MSRA: variants seen among roughly 807,000 people sequenced by gnomAD.
MSRA encodes the protein methionine sulfoxide reductase A.
In MSRA, 54 loss-of-function variants were observed where a neutral mutation model predicts 31.3. That is an observed-to-expected ratio of 1.73 (90% CI 1.39 to 2.17). The LOEUF is 2.17. Ranked by LOEUF, MSRA falls within the 30% of genes most tolerant of loss-of-function variation. The pLI is 0.00. For synonymous variants in MSRA, 169 were observed against 116.5 expected (o/e 1.45, Z -2.90); for missense variants, 507 against 300.9 (o/e 1.69, Z -5.07).
At chr8:10,300,800 G>T (rs1406622871) in intron 3 of MSRA, among the ~76,000 whole-genome samples, 3 of 151,990 alleles carry the variant, frequency 2.0e-5, no homozygotes, top group Non-Finnish European at 4.4e-5. Context: ...GACTATAAAA[G>T]AAAGAAGGAC....
chr8:10,072,431 G>T (rs945750788), intron 1 of MSRA, among the ~76,000 whole-genome samples: 1 of 151,928 alleles, frequency 6.6e-6, no homozygotes, highest in Non-Finnish European at 1.5e-5. Context: ...GTGTGGGTCT[G>T]TTTCTGGGTC....
chr8:10,394,585 C>A (rs947209208), intron 5 of MSRA, among the ~76,000 whole-genome samples: 1 of 152,226 alleles, frequency 6.6e-6, no homozygotes, highest in African/African-American at 2.4e-5. Flanking sequence ...ACATCCATTT[C>A]AAAGATGGGA....
chr8:10,334,934 C>T (rs1366295967), intron 5 of MSRA, among the ~76,000 whole-genome samples: 1 of 152,232 alleles, frequency 6.6e-6, no homozygotes, highest in Non-Finnish European at 1.5e-5. Flanking sequence ...GAGCCATCTT[C>T]CCGTTGCTAT....
At chr8:10,414,669 G>A (rs2129190815) in intron 5 of MSRA, among the ~76,000 whole-genome samples, 1 of 152,344 alleles carries the variant, frequency 6.6e-6, no homozygotes, top group South Asian at 2.1e-4. Context: ...CTGCTGCTAT[G>A]CTTGAAGTTC....
intron 1 of MSRA, among the ~76,000 whole-genome samples, chr8:10,072,346 A>G (rs1299066229): frequency 6.6e-6 from 1 of 151,168 alleles, no homozygotes; most frequent in Non-Finnish European, 1.5e-5. Flanking sequence ...TTCAGTTACT[A>G]CAGAATAATT....
chr8:10,128,362 A>T (rs1408722821), intron 1 of MSRA, among the ~76,000 whole-genome samples: 1 of 152,022 alleles, frequency 6.6e-6, no homozygotes, highest in East Asian at 1.9e-4. Context: ...CTGGGCGACA[A>T]AAGCAAAACT....
intron 1 of MSRA, among the ~76,000 whole-genome samples, chr8:10,151,159 G>A (rs1184764986): frequency 5.3e-5 from 8 of 151,648 alleles, no homozygotes; most frequent in African/African-American, 1.9e-4. Flanking sequence ...GGGAGGTGGA[G>A]GTGAGCCGAG....
chr8:10,327,806 G>A (rs1003411319), intron 5 of MSRA, among the ~76,000 whole-genome samples: 5 of 152,032 alleles, frequency 3.3e-5, no homozygotes, highest in Admixed American at 6.6e-5. Flanking sequence ...GGTGGTGGGC[G>A]CCTGTAGTCC....
chr8:10,297,798 A>T (rs1800623504), intron 3 of MSRA, among the ~76,000 whole-genome samples: 1 of 152,184 alleles, frequency 6.6e-6, no homozygotes, highest in Non-Finnish European at 1.5e-5. Flanking sequence ...CGTCAGTGGC[A>T]GATTATGTCT....
chr8:10,296,850 A>G (rs1206665590), intron 3 of MSRA, among the ~76,000 whole-genome samples: 1 of 152,188 alleles, frequency 6.6e-6, no homozygotes, highest in African/African-American at 2.4e-5. Context: ...CCAGGAGGCC[A>G]ACCCTGACAA....
intron 5 of MSRA, among the ~76,000 whole-genome samples, chr8:10,363,131 G>A (rs1048197288): frequency 1.3e-5 from 2 of 152,210 alleles, no homozygotes; most frequent in African/African-American, 4.8e-5. Context: ...AGCACTTTCA[G>A]CCTTTCTCCG....
In MSRA at chr8:10,297,129, A is replaced by T. The variant is rs540490811; in HGVS notation, c.332-4405A>T. Among the ~76,000 whole-genome samples, 37 of 152,256 alleles carry T rather than the reference A, an allele frequency of 2.4e-4. 1 individual carries two copies. Among genetic ancestry groups the T allele is most frequent in the African/African-American group, 8.4e-4 (35 of 41,550 alleles). ...TAGTTCCATGGATGACTTAGCTTCC[A>T]TGTAGCTAGATGACCCCAGAATGCC... is the stretch of plus-strand genomic sequence containing the variant. On this transcript the variant is annotated intron_variant, in intron 3 of 5. Transcript: ENST00000317173.
chr8:10,381,563 G>A (rs1170970554), intron 5 of MSRA, among the ~76,000 whole-genome samples: 2 of 152,186 alleles, frequency 1.3e-5, no homozygotes, highest in African/African-American at 4.8e-5. Context: ...TCCATCTGCT[G>A]TCCTGGAGAC....
intron 2 of MSRA, among the ~76,000 whole-genome samples, chr8:10,233,907 A>T (rs1811709311): frequency 6.6e-6 from 1 of 152,194 alleles, no homozygotes; most frequent in African/African-American, 2.4e-5. Flanking sequence ...ATTAAGAATA[A>T]TGAAAAAATA....
At chr8:10,255,976 A>G (rs1585288774) in intron 3 of MSRA, among the ~76,000 whole-genome samples, 2 of 152,116 alleles carry the variant, frequency 1.3e-5, no homozygotes, top group Admixed American at 1.3e-4. Flanking sequence ...GTTACACCCC[A>G]GGAACCACAC....
At chr8:10,253,655 T>C (rs531750624) in intron 3 of MSRA, among the ~76,000 whole-genome samples, 8 of 152,324 alleles carry the variant, frequency 5.3e-5, no homozygotes, top group African/African-American at 1.9e-4. Flanking sequence ...TTTTAAAACA[T>C]AATTGCAAAA....
At chr8:10,193,397 G>T (rs1422761874) in intron 1 of MSRA, among the ~76,000 whole-genome samples, 1 of 152,204 alleles carries the variant, frequency 6.6e-6, no homozygotes, top group African/African-American at 2.4e-5. Context: ...GATATTTTCA[G>T]ACACTGCGGT....
intron 1 of MSRA, among the ~76,000 whole-genome samples, chr8:10,063,874 G>A (rs1455943502): frequency 6.6e-6 from 1 of 152,198 alleles, no homozygotes; most frequent in Non-Finnish European, 1.5e-5. Context: ...GACACAGGAT[G>A]TTTTTTCCTT....
Position 10,261,850 on chromosome 8 carries a change from G to A in MSRA, c.331+16627G>A, listed in dbSNP as rs140710694. Reference sequence around the variant, plus strand: ...AGTTCACTCCCTAAAGATTCCCTGCGCTCCACCTGTTCATCTCTCCACCCT... The same window carrying A: ...AGTTCACTCCCTAAAGATTCCCTGCACTCCACCTGTTCATCTCTCCACCCT... On this transcript the variant is annotated intron_variant, in intron 3 of 5. Transcript: ENST00000317173. Among the ~76,000 whole-genome samples, 290 of 152,178 alleles carry A rather than the reference G, an allele frequency of 1.9e-3. 2 individuals carry two copies. The highest frequency in any genetic ancestry group is 6.8e-3 in the Middle Eastern group (2 of 294).
Sources: allele counts gnomAD v4.1 joint callset (sites outside exome capture counted in the v4.1 genomes callset), GRCh38; gene constraint gnomAD v4.1.1; transcripts MANE v1.5; gene names NCBI Gene and HGNC (gene_info 2026-07-23, HGNC 2026-07-21).